Variants in MAPKAP1 observed in about 807,000 individuals in gnomAD.
MAPKAP1 encodes the protein target of rapamycin complex 2 subunit MAPKAP1.
MAPKAP1 carries 20 observed loss-of-function variants against 65.7 expected under a neutral mutation model. That is an observed-to-expected ratio of 0.30 (90% CI 0.21 to 0.44). The LOEUF is 0.44. MAPKAP1 is among the 20% of genes least tolerant of loss of function. MAPKAP1 has a pLI of 1.00. For synonymous variants in MAPKAP1, 222 were observed against 244.3 expected, an observed-to-expected ratio of 0.91 and a Z score of 0.85; for missense variants, 423 against 648.0, an observed-to-expected ratio of 0.65 and a Z score of 3.77.
chr9:125,698,290 T>A lies in MAPKAP1; in HGVS notation c.-70+8681A>T, dbSNP rs10986846. On this transcript the variant is annotated intron_variant, in intron 1 of 11. Transcript: ENST00000265960. ...ATATATAATACATAATATATATAAATATATATATATATATATATATATATA... is the reference window on the plus strand; with the variant it reads ...ATATATAATACATAATATATATAAAAATATATATATATATATATATATATA... 3.2e-3 allele frequency among the ~76,000 whole-genome samples: 7 copies of A among 2,212 alleles called. 1 individual carries two copies. The highest frequency in any genetic ancestry group is 0.012 in the South Asian group (1 of 84). 1.5% of individuals were successfully genotyped at this position (2,212 alleles called of 152,430 possible).
chr9:125,693,550 TATACACACACATATATAC>T (rs1564619902), intron 1 of MAPKAP1, among the ~76,000 whole-genome samples: 5 of 137,452 alleles, frequency 3.6e-5, no homozygotes, highest in South Asian at 2.3e-4. Flanking sequence ...CATATATACA[TATACACACACATATATAC>T]ATACACACAC....
chr9:125,703,924 CAA>C (rs918587197), intron 1 of MAPKAP1, among the ~76,000 whole-genome samples: 1 of 152,132 alleles, frequency 6.6e-6, no homozygotes, highest in African/African-American at 2.4e-5. Flanking sequence ...CACTCAACTG[CAA>C]AAGTTTCTGA....
chr9:125,606,934 G>A (rs927429049), intron 4 of MAPKAP1, among the ~76,000 whole-genome samples: 2 of 152,270 alleles, frequency 1.3e-5, no homozygotes, highest in Non-Finnish European at 2.9e-5. Context: ...AAATAAATGC[G>A]CTTTGGATTG....
chr9:125,559,600 G>A, intron 6 of MAPKAP1, 33 bp downstream of exon 6: 1 of 1,572,570 alleles, frequency 6.4e-7, no homozygotes, highest in Non-Finnish European at 8.7e-7. Context: ...GTTGGGATGA[G>A]ATACCGAGAG....
intron 2 of MAPKAP1, among the ~76,000 whole-genome samples, chr9:125,671,232 T>C (rs1007434907): frequency 1.3e-5 from 2 of 152,210 alleles, no homozygotes; most frequent in Non-Finnish European, 2.9e-5. Flanking sequence ...AAATCCTATT[T>C]TGACAAAAGT....
chr9:125,695,874 A>G (rs1332264267), intron 1 of MAPKAP1, among the ~76,000 whole-genome samples: 1 of 151,986 alleles, frequency 6.6e-6, no homozygotes, highest in Non-Finnish European at 1.5e-5. Flanking sequence ...GATTATAGGC[A>G]TGTGCCATCA....
intron 4 of MAPKAP1, among the ~76,000 whole-genome samples, chr9:125,594,708 C>T (rs978321532): frequency 1.3e-5 from 2 of 152,146 alleles, no homozygotes; most frequent in African/African-American, 4.8e-5. Context: ...TCCTTCCCCA[C>T]ACTCTCTCAT....
At chr9:125,454,153 T>A (rs956575892) in intron 10 of MAPKAP1, among the ~76,000 whole-genome samples, 3 of 152,278 alleles carry the variant, frequency 2.0e-5, no homozygotes, top group African/African-American at 7.2e-5. Context: ...AATGCTTCCA[T>A]GTACTTCAGG....
intron 6 of MAPKAP1, among the ~76,000 whole-genome samples, chr9:125,558,420 G>A (rs953034703): frequency 1.3e-5 from 2 of 152,092 alleles, no homozygotes; most frequent in Non-Finnish European, 2.9e-5. Context: ...ATGAAAGCCT[G>A]AGGGCCCACT....
At chr9:125,465,105 G>C (rs943151158) in intron 10 of MAPKAP1, among the ~76,000 whole-genome samples, 1 of 152,088 alleles carries the variant, frequency 6.6e-6, no homozygotes, top group African/African-American at 2.4e-5. Flanking sequence ...CACACGTTCC[G>C]GTCTTCGGCA....
At position 125,482,131 on chromosome 9, in the gene MAPKAP1, TA is replaced by T. The variant is rs1554808939; in HGVS notation, c.1207+2311del. ...TGGGCAACAAAAGCAAAACTCTGTC[TA>T]AAAAAAAAAAAAAAAAAAGAAGAAG... On this transcript the variant is annotated intron_variant, in intron 9 of 11. Coordinates refer to ENST00000265960, the MANE Select transcript of MAPKAP1 (RefSeq NM_001006617.3). 8.0e-3 allele frequency among the ~76,000 whole-genome samples: 794 copies of T among 99,096 alleles called. 4 individuals carry two copies. Among genetic ancestry groups the T allele is most frequent in the African/African-American group, 0.014 (302 of 21,726 alleles). 65.0% of individuals were successfully genotyped at this position (99,096 alleles called of 152,430 possible).
At chr9:125,481,098 G>GA (rs1363766728) in intron 9 of MAPKAP1, among the ~76,000 whole-genome samples, 1 of 152,054 alleles carries the variant, frequency 6.6e-6, no homozygotes, top group Non-Finnish European at 1.5e-5. Context: ...ATTGAAAAGG[G>GA]AAAAGACTTG....
At chr9:125,526,638 C>T (rs766122056) in intron 7 of MAPKAP1, among the ~76,000 whole-genome samples, 3 of 152,046 alleles carry the variant, frequency 2.0e-5, no homozygotes, top group African/African-American at 2.4e-5. Context: ...GGAGAAAGGG[C>T]GTTTTCAAAT....
intron 1 of MAPKAP1, among the ~76,000 whole-genome samples, chr9:125,703,351 A>C (rs1835660377): frequency 6.6e-6 from 1 of 152,184 alleles, no homozygotes; most frequent in Admixed American, 6.5e-5. Context: ...TGTGACTCTT[A>C]AGTAACATAT....
chr9:125,539,192 T>C (rs999414523), intron 7 of MAPKAP1, among the ~76,000 whole-genome samples: 2 of 152,206 alleles, frequency 1.3e-5, no homozygotes, highest in African/African-American at 4.8e-5. Context: ...TTTATAAAAG[T>C]AGGAATGAAT....
At chr9:125,649,225 T>C (rs1564600924) in intron 4 of MAPKAP1, among the ~76,000 whole-genome samples, 1 of 152,134 alleles carries the variant, frequency 6.6e-6, no homozygotes, top group East Asian at 1.9e-4. Flanking sequence ...CAGTGCTCGA[T>C]ATTCATTCCA....
intron 8 of MAPKAP1, 45 bp from the exon 9 acceptor site, chr9:125,484,628 T>G: frequency 6.4e-7 from 1 of 1,550,774 alleles, no homozygotes; most frequent in Non-Finnish European, 8.7e-7. Context: ...ACATGAGGCT[T>G]GGCAAATGGT....
At chr9:125,569,190 TTTTAACCACG>T (rs1441468483) in intron 5 of MAPKAP1, among the ~76,000 whole-genome samples, 1 of 152,242 alleles carries the variant, frequency 6.6e-6, no homozygotes, top group African/African-American at 2.4e-5. Context: ...GGGCTTGACC[TTTTAACCACG>T]TTTAATGCCT....
intron 4 of MAPKAP1, among the ~76,000 whole-genome samples, chr9:125,641,360 G>A (rs573909584): frequency 6.6e-6 from 1 of 152,256 alleles, no homozygotes; most frequent in East Asian, 1.9e-4. Context: ...TCAAGTATGA[G>A]TACTGTATGG....
Sources: gnomAD v4.1 joint callset for allele counts (sites outside exome capture counted in the v4.1 genomes callset) on GRCh38, gnomAD v4.1.1 for gene constraint, MANE v1.5 for transcripts, NCBI Gene and HGNC (gene_info 2026-07-23, HGNC 2026-07-21) for gene names.